CPAMD8: variants seen among roughly 807,000 people sequenced by gnomAD.
CPAMD8 encodes C3 and PZP-like alpha-2-macroglobulin domain-containing protein 8.
A neutral mutation model predicts 224.7 loss-of-function variants in CPAMD8; 146 were observed. The ratio of observed to expected loss-of-function variants is 0.65; its 90% CI spans 0.57 to 0.75. The LOEUF is 0.75. Among genes scored for constraint, CPAMD8 ranks in the 30% least tolerant of loss-of-function variants. The pLI, the probability that CPAMD8 is intolerant of heterozygous loss-of-function variation, is 0.00. For synonymous variants in CPAMD8, 966 were observed against 1,044.6 expected (o/e 0.92, Z 1.45); for missense variants, 2,301 against 2,537.5 (o/e 0.91, Z 2.00).
chr19:16,975,320 C>G (rs2055223421), intron 16 of CPAMD8, 62 bp from the exon 17 acceptor site: 1 of 1,403,772 alleles, frequency 7.1e-7, no homozygotes. Flanking sequence ...CAAACTGGCT[C>G]CCGTGGGTGT....
intron 18 of CPAMD8, among the ~76,000 whole-genome samples, chr19:16,965,112 T>A (rs1215926265): frequency 4.6e-5 from 7 of 151,860 alleles, no homozygotes; most frequent in Admixed American, 3.9e-4. Flanking sequence ...TACAAAAAAT[T>A]AGCCGGGCAT....
intron 20 of CPAMD8, among the ~76,000 whole-genome samples, chr19:16,951,136 C>T (rs1054608003): frequency 3.9e-5 from 6 of 152,114 alleles, no homozygotes; most frequent in African/African-American, 7.2e-5. Flanking sequence ...AACCCTTTAA[C>T]GCCCAGCGAG....
rs1322376313 is a variant in CPAMD8 at position 16,914,741 on chromosome 19, A to C, written c.3702T>G (p.Ala1234=). The change falls in exon 28 of 42, where the codon GCT becomes GCG. Residue 1234 remains alanine, a synonymous_variant. Transcript: ENST00000443236. ...GCTGGATGATCCAGCTCTTGGCGGC[A>C]GCCAGCTCCCGGGGGTCCACGAAGA... ...SFIFVDPREL[A]AAKSWIIQQQ... is the part of the protein sequence containing the mutation. 6.2e-7 allele frequency: 1 copy of C among 1,614,086 alleles called. No individual in the cohort carries two copies. The highest frequency in any genetic ancestry group is 8.5e-7 in the Non-Finnish European group (1 of 1,180,000).
chr19:16,957,643 A>G, intron 19 of CPAMD8: 1 of 603,600 alleles, frequency 1.7e-6, no homozygotes, highest in Non-Finnish European at 3.0e-6. Flanking sequence ...AAGCCCTTGC[A>G]TTTCATATTT....
chr19:17,016,102 C>A (rs996671158), intron 3 of CPAMD8, among the ~76,000 whole-genome samples: 1 of 152,134 alleles, frequency 6.6e-6, no homozygotes, highest in Non-Finnish European at 1.5e-5. Flanking sequence ...GGCCACCATG[C>A]CCGGCTAATT....
In CPAMD8 at chr19:16,899,658, T is replaced by A; in HGVS notation, c.4774-109A>T. ...GCTTGGACTTGCCCACAAGTTACCATGGGCTGGGGTCTGGGTGCTGGTCAG... is the reference window on the plus strand; with the variant it reads ...GCTTGGACTTGCCCACAAGTTACCAAGGGCTGGGGTCTGGGTGCTGGTCAG... On this transcript the variant is annotated intron_variant, in intron 36 of 41. Coordinates refer to ENST00000443236, the MANE Select transcript of CPAMD8 (RefSeq NM_015692.5). The surrounding 1 kb of genome is among the most constrained non-coding windows in gnomAD (Gnocchi z 5.4). 2.9e-6 allele frequency: 2 copies of A among 689,648 alleles called. No individual in the cohort carries two copies. The highest frequency in any genetic ancestry group is 5.3e-6 in the Non-Finnish European group (2 of 374,576). 42.7% of individuals were successfully genotyped at this position (689,648 alleles called of 1,614,324 possible). A position where few individuals can be genotyped will look rare whatever the true frequency, so the allele number is the denominator to read the frequency against.
chr19:16,906,378 CTTTCTTTCTTTCTTTCT>C (rs1568459447), intron 30 of CPAMD8, among the ~76,000 whole-genome samples: 1,843 of 71,608 alleles, frequency 0.026, 59 homozygotes, highest in Non-Finnish European at 0.037. Context: ...TTCTTTCTTT[CTTTCTTTCTTTCTTTCT>C]TTCTTTCTTT....
intron 23 of CPAMD8, 124 bp from the exon 24 acceptor site, chr19:16,929,364 T>C: frequency 1.4e-6 from 1 of 715,328 alleles, no homozygotes; most frequent in South Asian, 1.8e-5. Flanking sequence ...TCGGCACACA[T>C]GGTGGAATGG....
chr19:16,986,807 C>A (rs1252875983), intron 13 of CPAMD8, among the ~76,000 whole-genome samples: 1 of 151,966 alleles, frequency 6.6e-6, no homozygotes, highest in Non-Finnish European at 1.5e-5. Flanking sequence ...AACAGCCCAG[C>A]CAGTGAGCCT....
chr19:17,019,863 C>A (rs1353695058), intron 3 of CPAMD8, among the ~76,000 whole-genome samples: 1 of 151,876 alleles, frequency 6.6e-6, no homozygotes, highest in African/African-American at 2.4e-5. Context: ...GCATGGCACC[C>A]AGCCTCATTA....
chr19:16,921,098 G>C (rs1482501452), intron 27 of CPAMD8, among the ~76,000 whole-genome samples: 2 of 152,072 alleles, frequency 1.3e-5, no homozygotes, highest in African/African-American at 4.8e-5. Context: ...AGCTCCTGGG[G>C]CTGGGGGAGG....
intron 2 of CPAMD8, 30 bp from the exon 3 acceptor site, chr19:17,020,383 A>G: frequency 6.5e-7 from 1 of 1,539,056 alleles, no homozygotes; most frequent in Non-Finnish European, 9.0e-7. Flanking sequence ...GAAAAAAGTT[A>G]AATCAAGAGC....
chr19:16,943,142 A>T lies in CPAMD8; in HGVS notation c.2793+2407T>A, dbSNP rs533109375. ...GCAATCCTCCCTCCTCAGCCTCCTG[A>T]GGAGCTGGGACTACAGGTGTGTGCC... On this transcript the variant is annotated intron_variant, in intron 22 of 41. Transcript: ENST00000443236. 5.3e-5 allele frequency among the ~76,000 whole-genome samples: 8 copies of T among 151,096 alleles called. No homozygotes were observed. In the South Asian group the frequency reaches 6.3e-4, roughly 12 times the overall value.
At chr19:16,914,393 C>G (rs1241696408) in intron 29 of CPAMD8, 31 bp downstream of exon 29, 1 of 1,601,438 alleles carries the variant, frequency 6.2e-7, no homozygotes, top group Admixed American at 1.7e-5. Context: ...GTGCCCAGCC[C>G]CGAGTCTCCC....
intron 17 of CPAMD8, among the ~76,000 whole-genome samples, chr19:16,973,349 AT>A (rs2055132011): frequency 6.6e-6 from 1 of 152,010 alleles, no homozygotes; most frequent in Non-Finnish European, 1.5e-5. Flanking sequence ...TTGAAATTTT[AT>A]TTATTTATTT....
intron 26 of CPAMD8, among the ~76,000 whole-genome samples, chr19:16,922,509 G>T (rs138187953): frequency 6.6e-6 from 1 of 151,232 alleles, no homozygotes; most frequent in African/African-American, 2.4e-5. Context: ...ACTACATCTG[G>T]GGTCCCTGAA....
intron 35 of CPAMD8, 144 bp from the exon 36 acceptor site, chr19:16,901,441 A>C: frequency 4.5e-6 from 3 of 671,390 alleles, no homozygotes; most frequent in East Asian, 5.5e-5. Context: ...CAGCACACAC[A>C]TCCTTGGCTC....
chr19:16,976,871 A>T (rs1296125903), intron 15 of CPAMD8, among the ~76,000 whole-genome samples: 2 of 152,070 alleles, frequency 1.3e-5, no homozygotes, highest in Non-Finnish European at 2.9e-5. Flanking sequence ...GTGAAACCCC[A>T]TCTCTACTAA....
chr19:16,921,753 G>A (rs1302828963), intron 27 of CPAMD8, 152 bp downstream of exon 27: 1 of 597,682 alleles, frequency 1.7e-6, no homozygotes, highest in East Asian at 2.9e-5. Context: ...TCCATCTCTG[G>A]AGCTGGGACC....
Sources: allele counts gnomAD v4.1 joint callset (sites outside exome capture counted in the v4.1 genomes callset), GRCh38; gene constraint gnomAD v4.1.1; non-coding constraint Gnocchi (gnomAD v3.1); transcripts MANE v1.5; gene names NCBI Gene and HGNC (gene_info 2026-07-23, HGNC 2026-07-21).